The following PPP6R2 variants were observed in gnomAD, a reference collection of about 807,000 sequenced individuals.
PPP6R2 encodes the protein protein phosphatase 6 regulatory subunit 2, also known as serine/threonine-protein phosphatase 6 regulatory subunit 2.
A neutral mutation model predicts 100.2 loss-of-function variants in PPP6R2; 62 were observed. The ratio of observed to expected loss-of-function variants is 0.62; its 90% CI spans 0.50 to 0.76. The LOEUF is 0.76. PPP6R2 is among the 30% of genes least tolerant of loss of function. PPP6R2 has a pLI of 0.00. For synonymous variants in PPP6R2, 525 were observed against 514.7 expected (o/e 1.02, Z -0.27); for missense variants, 1,142 against 1,276.3 (o/e 0.89, Z 1.60).
intron 6 of PPP6R2, among the ~76,000 whole-genome samples, chr22:50,417,833 C>CT (rs2060756118): frequency 6.6e-6 from 1 of 152,226 alleles, no homozygotes; most frequent in South Asian, 2.1e-4. Flanking sequence ...AATCTGGCTG[C>CT]TTTCTTTTCT....
chr22:50,440,781 C>A (rs1193671895), intron 21 of PPP6R2, 41 bp from the exon 22 acceptor site: 2 of 1,604,548 alleles, frequency 1.2e-6, no homozygotes, highest in East Asian at 4.5e-5. Context: ...CCCTGTGACC[C>A]CTCCTGCCTC....
At chr22:50,342,852 G>A (rs1187216440), upstream of PPP6R2, among the ~76,000 whole-genome samples, 1 of 151,890 alleles carries the variant, frequency 6.6e-6, no homozygotes, top group Admixed American at 6.6e-5. Flanking sequence ...GACGGGGAGG[G>A]GCCAGGCCTG....
At chr22:50,364,533 T>A (rs1056511568) in intron 1 of PPP6R2, among the ~76,000 whole-genome samples, 1 of 152,114 alleles carries the variant, frequency 6.6e-6, no homozygotes, top group Non-Finnish European at 1.5e-5. Context: ...ATTTAAAAAA[T>A]TTCATAATTA....
At chr22:50,382,521 A>G (rs1468888355) in intron 2 of PPP6R2, among the ~76,000 whole-genome samples, 3 of 87,670 alleles carry the variant, frequency 3.4e-5, no homozygotes, top group African/African-American at 1.0e-4. Context: ...TCCGTCTCCA[A>G]AAAAAAAAAA....
At chr22:50,439,128 G>A (rs2065038873) in intron 19 of PPP6R2, among the ~76,000 whole-genome samples, 1 of 152,310 alleles carries the variant, frequency 6.6e-6, no homozygotes, top group South Asian at 2.1e-4. Flanking sequence ...GACATCTATG[G>A]CAGGAGCCAG....
chr22:50,330,904 T>G, the PPP6R2 span, among the ~76,000 whole-genome samples: 1 of 151,906 alleles, frequency 6.6e-6, no homozygotes, highest in African/African-American at 2.4e-5. Context: ...GGCAAGGACA[T>G]AGATTTTCCC....
chr22:50,334,180 A>G, the PPP6R2 span, among the ~76,000 whole-genome samples: 1 of 152,166 alleles, frequency 6.6e-6, no homozygotes, highest in Admixed American at 6.5e-5. Context: ...GGCGGGCCTG[A>G]CTGATGTCAG....
In PPP6R2 at chr22:50,394,687, G is replaced by A. The variant is rs1266510735; in HGVS notation, c.227+552G>A. Reference sequence around the variant, plus strand: ...TTTGGGAGGCCGAAGCAGGCAGATCGCTAGGTCAGGAGATTGAGACCATCC... The same window carrying A: ...TTTGGGAGGCCGAAGCAGGCAGATCACTAGGTCAGGAGATTGAGACCATCC... On this transcript the variant is annotated intron_variant, in intron 3 of 23. Coordinates refer to ENST00000612753, the MANE Select transcript of PPP6R2 (RefSeq NM_001242898.2). 4.0e-5 allele frequency among the ~76,000 whole-genome samples: 6 copies of A among 150,706 alleles called. No homozygotes were observed. In the East Asian group the frequency reaches 5.9e-4, roughly 15 times the overall value.
upstream of PPP6R2, among the ~76,000 whole-genome samples, chr22:50,339,386 AGT>A (rs775867826): frequency 1.2e-3 from 53 of 44,590 alleles, no homozygotes; most frequent in Admixed American, 1.5e-3. Flanking sequence ...TGTGGTATGT[AGT>A]GTGTGTGTGG....
At chr22:50,440,756 G>A in intron 21 of PPP6R2, 66 bp from the exon 22 acceptor site, 4 of 1,562,804 alleles carry the variant, frequency 2.6e-6, no homozygotes, top group Non-Finnish European at 3.5e-6. Context: ...GGACCCTATG[G>A]CTGGAGTGGC....
At chr22:50,346,513 CCCCAGTCAGTGCCCT>C (rs1471837973) in intron 1 of PPP6R2, among the ~76,000 whole-genome samples, 59 of 136,670 alleles carry the variant, frequency 4.3e-4, no homozygotes, top group African/African-American at 1.6e-3. Context: ...GTCAGTGCCC[CCCCAGTCAGTGCCCT>C]CCTTCTGTTC....
chr22:50,441,820 C>T (rs959697734), intron 22 of PPP6R2, among the ~76,000 whole-genome samples: 20 of 152,128 alleles, frequency 1.3e-4, no homozygotes, highest in African/African-American at 4.6e-4. Flanking sequence ...ACCTCTCTGG[C>T]CTCTGGGGTC....
At chr22:50,337,251 GGTGTGTGTGCA>G in the PPP6R2 span, among the ~76,000 whole-genome samples, 1 of 139,938 alleles carries the variant, frequency 7.1e-6, no homozygotes. Flanking sequence ...GTGTGTGTGT[GGTGTGTGTGCA>G]GTGTGTGTGG....
Position 50,431,085 on chromosome 22 carries a change from C to G in PPP6R2, c.1126-88C>G. The G allele has an allele frequency of 8.7e-7, 1 of 1,155,538 alleles. No individual in the cohort carries two copies. The highest frequency in any genetic ancestry group is 1.3e-6 in the Non-Finnish European group (1 of 796,206). The allele number at this position is 1,155,538 out of a possible 1,614,324, so 71.6% of individuals were successfully genotyped here. A position where few individuals can be genotyped will look rare whatever the true frequency, so the allele number is the denominator to read the frequency against. On this transcript the variant is annotated intron_variant, in intron 10 of 23. Transcript: ENST00000612753. The surrounding 1 kb of genome is among the most constrained non-coding windows in gnomAD (Gnocchi z 4.8). ...GGACTTGTGAGGAGTTAGGACGCCA[C>G]CTTTAGGAAGGGTTTCCCTCAGCTT...
At chr22:50,385,067 A>G (rs1602837012) in intron 2 of PPP6R2, among the ~76,000 whole-genome samples, 1 of 152,016 alleles carries the variant, frequency 6.6e-6, no homozygotes, top group South Asian at 2.1e-4. Flanking sequence ...TTATAAAGCC[A>G]CCAGTTCCAC....
intron 3 of PPP6R2, among the ~76,000 whole-genome samples, chr22:50,399,046 G>A (rs1407190202): frequency 6.6e-6 from 1 of 152,016 alleles, no homozygotes; most frequent in Non-Finnish European, 1.5e-5. Context: ...AGAAGATGGA[G>A]ACCATCCTGA....
chr22:50,347,100 T>G (rs2043949307), intron 1 of PPP6R2, among the ~76,000 whole-genome samples: 1 of 152,060 alleles, frequency 6.6e-6, no homozygotes. Context: ...CTGCCTGTTG[T>G]GGCCCTTCCG....
chr22:50,365,171 A>G (rs2048505247), intron 1 of PPP6R2, among the ~76,000 whole-genome samples: 1 of 150,676 alleles, frequency 6.6e-6, no homozygotes, highest in African/African-American at 2.4e-5. Context: ...TCCCGGGTTC[A>G]AGCAATTCTC....
At chr22:50,411,614 C>T (rs138555688) in intron 4 of PPP6R2, among the ~76,000 whole-genome samples, 2,958 of 151,582 alleles carry the variant, frequency 0.02, 95 homozygotes, top group African/African-American at 0.066. Flanking sequence ...ATTAGCTGGG[C>T]GTGGTGGCCG....
Sources: gnomAD v4.1 joint callset for allele counts (sites outside exome capture counted in the v4.1 genomes callset) on GRCh38, gnomAD v4.1.1 for gene constraint, Gnocchi (gnomAD v3.1) non-coding constraint, MANE v1.5 for transcripts, NCBI Gene and HGNC (gene_info 2026-07-23, HGNC 2026-07-21) for gene names.